The following CRACDL variants were observed in gnomAD, a reference collection of about 807,000 sequenced individuals.
CRACDL encodes the protein CRACD-like protein.
A neutral mutation model predicts 70.6 loss-of-function variants in CRACDL; 26 were observed. That is an observed-to-expected ratio of 0.37 (90% CI 0.27 to 0.51). The LOEUF is 0.51. CRACDL is among the 20% of genes least tolerant of loss of function. The pLI, the probability that CRACDL is intolerant of heterozygous loss-of-function variation, is 0.94. For synonymous variants in CRACDL, 618 were observed against 615.2 expected (o/e 1.00, Z -0.07); for missense variants, 1,283 against 1,376.9 (o/e 0.93, Z 1.08).
At chr2:98,902,395 G>A (rs7588441) in intron 1 of CRACDL, among the ~76,000 whole-genome samples, 55,159 of 151,940 alleles carry the variant, frequency 0.36, 10,382 homozygotes, top group African/African-American at 0.44. Context: ...CTGCTGAGAC[G>A]GGATCAAGAC....
chr2:98,883,242 A>G (rs1707706530), intron 1 of CRACDL, among the ~76,000 whole-genome samples: 1 of 152,212 alleles, frequency 6.6e-6, no homozygotes, highest in Non-Finnish European at 1.5e-5. Context: ...GTCACCAAAA[A>G]CAAAAGAGAC....
intron 7 of CRACDL, among the ~76,000 whole-genome samples, chr2:98,817,771 T>C (rs1704845609): frequency 6.6e-6 from 1 of 151,886 alleles, no homozygotes; most frequent in African/African-American, 2.4e-5. Context: ...GAGACTGGAG[T>C]GTGTTACTCT....
At chr2:98,799,934 T>C (rs1431572545) in intron 7 of CRACDL, among the ~76,000 whole-genome samples, 1 of 152,240 alleles carries the variant, frequency 6.6e-6, no homozygotes, top group East Asian at 1.9e-4. Context: ...CTGGAACTCC[T>C]GCTTGCTCCT....
chr2:98,840,487 T>C (rs984505886), intron 2 of CRACDL, among the ~76,000 whole-genome samples: 1 of 152,210 alleles, frequency 6.6e-6, no homozygotes, highest in African/African-American at 2.4e-5. Context: ...GTTCTACATA[T>C]GTCAATTAGA....
At chr2:98,893,347 G>A (rs1015147478) in intron 1 of CRACDL, among the ~76,000 whole-genome samples, 10 of 151,986 alleles carry the variant, frequency 6.6e-5, no homozygotes, top group African/African-American at 2.4e-4. Flanking sequence ...GCAGTGATGC[G>A]ATCTCAGTTC....
chr2:98,889,504 T>C (rs186904387), intron 1 of CRACDL, among the ~76,000 whole-genome samples: 81 of 152,186 alleles, frequency 5.3e-4, no homozygotes, highest in Admixed American at 1.5e-3. Flanking sequence ...GCATCTAATA[T>C]CAGAGGCCAA....
intron 1 of CRACDL, among the ~76,000 whole-genome samples, chr2:98,923,803 A>C (rs1708856338): frequency 6.6e-6 from 1 of 152,206 alleles, no homozygotes; most frequent in Non-Finnish European, 1.5e-5. Flanking sequence ...AAGGTTTCTC[A>C]AATTGTTCAA....
intron 1 of CRACDL, among the ~76,000 whole-genome samples, chr2:98,858,206 G>A (rs182873070): frequency 4.6e-5 from 7 of 152,128 alleles, no homozygotes; most frequent in East Asian, 1.9e-4. Flanking sequence ...AAACACCTAC[G>A]TAAAAAAGAA....
chr2:98,803,533 T>C (rs1575322633), intron 7 of CRACDL, among the ~76,000 whole-genome samples: 1 of 152,302 alleles, frequency 6.6e-6, no homozygotes, highest in East Asian at 1.9e-4. Flanking sequence ...AGAAAGTAGA[T>C]AAAAGTATAA....
intron 1 of CRACDL, among the ~76,000 whole-genome samples, chr2:98,894,259 C>T (rs1261671217): frequency 6.6e-6 from 1 of 152,202 alleles, no homozygotes; most frequent in Non-Finnish European, 1.5e-5. Flanking sequence ...CCCCTCCCAT[C>T]ACATCTCCAT....
chr2:98,843,434 A>T (rs187485165), intron 2 of CRACDL, among the ~76,000 whole-genome samples: 11 of 152,264 alleles, frequency 7.2e-5, no homozygotes, highest in Admixed American at 6.5e-4. Flanking sequence ...CCTTTTATGG[A>T]TTCAGGTATT....
chr2:98,836,017 G>C (rs971752585), intron 3 of CRACDL, among the ~76,000 whole-genome samples: 3 of 152,154 alleles, frequency 2.0e-5, no homozygotes, highest in Non-Finnish European at 4.4e-5. Context: ...CCGGGAATTG[G>C]GAGAATATAG....
At chr2:98,853,816 C>G (rs1390210142) in intron 1 of CRACDL, among the ~76,000 whole-genome samples, 1 of 152,110 alleles carries the variant, frequency 6.6e-6, no homozygotes, top group East Asian at 1.9e-4. Flanking sequence ...TCTAAACAGA[C>G]AGTCACAATT....
chr2:98,900,602 T>C (rs1708253756), intron 1 of CRACDL, among the ~76,000 whole-genome samples: 1 of 152,220 alleles, frequency 6.6e-6, no homozygotes, highest in East Asian at 1.9e-4. Context: ...CGTTTGTGCA[T>C]GTGTGTGGGC....
intron 1 of CRACDL, among the ~76,000 whole-genome samples, chr2:98,891,375 T>TGAAAAAAAAAAAA (rs1707972662): frequency 5.8e-5 from 1 of 17,352 alleles, no homozygotes; most frequent in Non-Finnish European, 8.5e-5. Flanking sequence ...AGACTCCGTC[T>TGAAAAAAAAAAAA]CAAAAAAAAA....
intron 1 of CRACDL, among the ~76,000 whole-genome samples, chr2:98,861,800 C>T (rs1706948308): frequency 6.6e-6 from 1 of 152,184 alleles, no homozygotes. Flanking sequence ...CCCATTTCTG[C>T]TCTTAGCACA....
chr2:98,900,726 G>T (rs1290676300), intron 1 of CRACDL, among the ~76,000 whole-genome samples: 2 of 152,096 alleles, frequency 1.3e-5, no homozygotes, highest in South Asian at 2.1e-4. Context: ...AGAAAGGCAG[G>T]CCTCTCAAGA....
chr2:98,842,944 T>C (rs946446983), intron 2 of CRACDL, among the ~76,000 whole-genome samples: 1 of 151,408 alleles, frequency 6.6e-6, no homozygotes, highest in African/African-American at 2.4e-5. Flanking sequence ...ACCTAGGAGT[T>C]GGATTGCTGA....
At chr2:98,901,110 A>T (rs1031724659) in intron 1 of CRACDL, among the ~76,000 whole-genome samples, 1 of 152,130 alleles carries the variant, frequency 6.6e-6, no homozygotes, top group African/African-American at 2.4e-5. Context: ...TGGCTCCACT[A>T]CTTAGAGTAC....
Sources: gnomAD v4.1 joint callset for allele counts (sites outside exome capture counted in the v4.1 genomes callset) on GRCh38, gnomAD v4.1.1 for gene constraint, MANE v1.5 for transcripts, NCBI Gene and HGNC (gene_info 2026-07-23, HGNC 2026-07-21) for gene names.